Variants in SLC35F4 observed in about 807,000 individuals in gnomAD.
The protein encoded by SLC35F4 is chromosome 14 open reading frame 36.
A neutral mutation model predicts 44.2 loss-of-function variants in SLC35F4; 24 were observed. The ratio of observed to expected loss-of-function variants is 0.54; its 90% CI spans 0.39 to 0.76. The LOEUF (loss-of-function observed/expected upper bound fraction) is 0.76. SLC35F4 is among the 30% of genes least tolerant of loss of function. The pLI is 0.00. For missense variants in SLC35F4, 562 were observed against 586.1 expected (o/e 0.96, Z 0.42); for synonymous variants, 238 against 223.6 (o/e 1.06, Z -0.57).
chr14:57,586,103 C>G (rs1170254329), intron 3 of SLC35F4, among the ~76,000 whole-genome samples: 2 of 152,166 alleles, frequency 1.3e-5, no homozygotes, highest in African/African-American at 2.4e-5. Flanking sequence ...GTAACCAAAA[C>G]AGCATGATAC....
At chr14:57,687,195 G>A (rs1259816579) in intron 1 of SLC35F4, among the ~76,000 whole-genome samples, 1 of 152,176 alleles carries the variant, frequency 6.6e-6, no homozygotes, top group Non-Finnish European at 1.5e-5. Context: ...TCCCCAGTCT[G>A]TGATACTTTG....
chr14:57,949,382 A>C (rs1255132733), intron 1 of SLC35F4, among the ~76,000 whole-genome samples: 1 of 152,154 alleles, frequency 6.6e-6, no homozygotes, highest in East Asian at 1.9e-4. Flanking sequence ...TGCATGGAAT[A>C]TCTCTCTCCA....
intron 1 of SLC35F4, among the ~76,000 whole-genome samples, chr14:57,667,461 T>C (rs1183405458): frequency 6.6e-6 from 1 of 150,870 alleles, no homozygotes; most frequent in African/African-American, 2.5e-5. Flanking sequence ...ATTAGGTATA[T>C]CTCCTAATGC....
chr14:57,743,042 A>G (rs1211768939), intron 1 of SLC35F4, among the ~76,000 whole-genome samples: 1 of 152,214 alleles, frequency 6.6e-6, no homozygotes, highest in African/African-American at 2.4e-5. Flanking sequence ...AAGACACAAC[A>G]TACCAGAATC....
chr14:57,660,478 T>C (rs974024009), intron 1 of SLC35F4, among the ~76,000 whole-genome samples: 3 of 149,064 alleles, frequency 2.0e-5, no homozygotes, highest in Admixed American at 6.7e-5. Context: ...GCCACCAAGA[T>C]GGCCCCCATA....
At chr14:57,653,830 T>C (rs1566729620) in intron 1 of SLC35F4, among the ~76,000 whole-genome samples, 1 of 152,084 alleles carries the variant, frequency 6.6e-6, no homozygotes, top group Non-Finnish European at 1.5e-5. Flanking sequence ...CGGAGTGACT[T>C]AAAACAACAG....
rs1022365597 is a variant in SLC35F4 at position 57,928,059 on chromosome 14, A to G, written n.282+53854T>C. On this transcript the variant is annotated intron_variant and non_coding_transcript_variant, in intron 1 of 1. Transcript: ENST00000556568. Reference sequence around the variant, plus strand: ...CTACTCTGGTGTAACACCACAGAAGAAAAAAAAAAACCTGTGGACCCACCC... The same window carrying G: ...CTACTCTGGTGTAACACCACAGAAGGAAAAAAAAAACCTGTGGACCCACCC... Among the ~76,000 whole-genome samples the G allele has an allele frequency of 7.8e-5, 10 of 128,616 alleles. No homozygotes were observed. The East Asian group carries it at 8.0e-4, about 10-fold the overall frequency. 84.4% of individuals were successfully genotyped at this position (128,616 alleles called of 152,430 possible). A position where few individuals can be genotyped will look rare whatever the true frequency, so the allele number is the denominator to read the frequency against.
In SLC35F4 at chr14:57,737,668, C is replaced by T. The variant is rs554628172; in HGVS notation, c.103+128055G>A. On this transcript the variant is annotated intron_variant, in intron 1 of 7. Coordinates refer to ENST00000556826, the MANE Select transcript of SLC35F4 (RefSeq NM_001306087.2). ...TTCTGACATATCCTCTCTCTAAATT[C>T]GCCTGTAGTATCATAGTCCACATTT... is the stretch of plus-strand genomic sequence containing the variant. Among the ~76,000 whole-genome samples, 7 of 152,316 alleles carry T rather than the reference C, an allele frequency of 4.6e-5. No homozygotes were observed. In the South Asian group the frequency reaches 6.2e-4, roughly 14 times the overall value.
chr14:57,592,330 G>GATAGCT (rs2070242152), intron 2 of SLC35F4, among the ~76,000 whole-genome samples: 2 of 152,172 alleles, frequency 1.3e-5, no homozygotes, highest in Admixed American at 6.5e-5. Context: ...TTTATTTTGA[G>GATAGCT]ATTAAGTACC....
At chr14:57,687,583 G>A (rs1299635773) in intron 1 of SLC35F4, among the ~76,000 whole-genome samples, 1 of 152,140 alleles carries the variant, frequency 6.6e-6, no homozygotes, top group African/African-American at 2.4e-5. Context: ...CATCAGCAGA[G>A]CTAACACTTT....
At chr14:57,950,182 T>C (rs1347552480) in intron 1 of SLC35F4, among the ~76,000 whole-genome samples, 1 of 151,984 alleles carries the variant, frequency 6.6e-6, no homozygotes, top group East Asian at 1.9e-4. Context: ...TGCTTGGTCA[T>C]TTAACATAAT....
At position 57,865,859 on chromosome 14, in the gene SLC35F4, G is replaced by T. The variant is rs1253266338; in HGVS notation, c.-34C>A. 6 of 1,456,862 alleles carry T rather than the reference G, an allele frequency of 4.1e-6. No homozygotes were observed. The highest frequency in any genetic ancestry group is 4.6e-6 in the Non-Finnish European group (5 of 1,096,062). The allele number at this position is 1,456,862 out of a possible 1,614,324, so 90.2% of individuals were successfully genotyped here. On this transcript the variant is annotated 5_prime_UTR_variant, in exon 1 of 8. Coordinates refer to ENST00000556826, the MANE Select transcript of SLC35F4 (RefSeq NM_001306087.2). ...CGGGGCGACGGCCCCGAGTGCGGCG[G>T]GGCGGAGAGCGCAGCGCGGGGCCCG... is the stretch of plus-strand genomic sequence containing the variant.
intron 1 of SLC35F4, among the ~76,000 whole-genome samples, chr14:57,738,652 T>C (rs2076524790): frequency 6.6e-6 from 1 of 151,450 alleles, no homozygotes; most frequent in Admixed American, 6.6e-5. Flanking sequence ...CTTTTATTTC[T>C]CAAAATCATG....
At chr14:57,937,736 G>C (rs1889841437) in intron 1 of SLC35F4, among the ~76,000 whole-genome samples, 1 of 152,178 alleles carries the variant, frequency 6.6e-6, no homozygotes, top group African/African-American at 2.4e-5. Context: ...AAGGAACTTG[G>C]AGGTGGGAAG....
At chr14:57,753,831 G>T (rs1198310903) in intron 1 of SLC35F4, among the ~76,000 whole-genome samples, 1 of 152,058 alleles carries the variant, frequency 6.6e-6, no homozygotes, top group African/African-American at 2.4e-5. Context: ...ACCCAGGGTA[G>T]CTTCCTCCCA....
At chr14:57,903,454 C>T (rs1889047860) in intron 1 of SLC35F4, among the ~76,000 whole-genome samples, 1 of 152,152 alleles carries the variant, frequency 6.6e-6, no homozygotes, top group South Asian at 2.1e-4. Flanking sequence ...AACATGGAAG[C>T]TCAGAAGTCA....
chr14:57,647,241 T>C (rs2073569771), intron 1 of SLC35F4, among the ~76,000 whole-genome samples: 1 of 151,116 alleles, frequency 6.6e-6, no homozygotes, highest in South Asian at 2.1e-4. Context: ...CTCCCATTAT[T>C]ATTGTGTGGG....
intron 1 of SLC35F4, among the ~76,000 whole-genome samples, chr14:57,905,214 G>A (rs755455956): frequency 5.3e-5 from 8 of 152,126 alleles, no homozygotes; most frequent in South Asian, 2.1e-4. Context: ...GCTGGCTGTC[G>A]GCAGCAGGCC....
intron 1 of SLC35F4, among the ~76,000 whole-genome samples, chr14:57,675,624 C>T (rs2074667654): frequency 6.6e-6 from 1 of 152,030 alleles, no homozygotes; most frequent in Non-Finnish European, 1.5e-5. Flanking sequence ...AGCTTTTCTC[C>T]ATTCAGTATG....
Sources: allele counts gnomAD v4.1 joint callset (sites outside exome capture counted in the v4.1 genomes callset), GRCh38; gene constraint gnomAD v4.1.1; transcripts MANE v1.5; gene names NCBI Gene and HGNC (gene_info 2026-07-23, HGNC 2026-07-21).